Variants in PTGER3 observed in about 807,000 individuals in gnomAD.
The protein encoded by PTGER3 is prostaglandin E2 receptor EP3 subtype.
A neutral mutation model predicts 34.7 loss-of-function variants in PTGER3; 22 were observed. That is an observed-to-expected ratio of 0.63 (90% confidence interval 0.45 to 0.91). The LOEUF (loss-of-function observed/expected upper bound fraction) is 0.91. PTGER3 is among the 40% of genes least tolerant of loss of function. PTGER3 has a pLI of 0.00. For missense variants in PTGER3, 468 were observed against 519.4 expected (o/e 0.90, Z 0.96); for synonymous variants, 241 against 230.1 (o/e 1.05, Z -0.43).
chr1:70,872,248 C>T (rs1646178779), intron 4 of PTGER3, among the ~76,000 whole-genome samples: 1 of 152,178 alleles, frequency 6.6e-6, no homozygotes, highest in East Asian at 1.9e-4. Flanking sequence ...TTTGTATGTT[C>T]ATATTGTCCT....
chr1:70,909,715 C>A (rs1229480315), intron 4 of PTGER3, among the ~76,000 whole-genome samples: 1 of 152,008 alleles, frequency 6.6e-6, no homozygotes, highest in Admixed American at 6.6e-5. Context: ...CCAGGCCTGT[C>A]AATAGTTACT....
chr1:70,973,233 A>AGATAGAT (rs1653310331), intron 3 of PTGER3, among the ~76,000 whole-genome samples: 3 of 121,198 alleles, frequency 2.5e-5, no homozygotes, highest in African/African-American at 8.9e-5. Context: ...ATAGATAGAT[A>AGATAGAT]GATAGATAGA....
At chr1:70,991,049 C>T (rs892228371) in intron 2 of PTGER3, among the ~76,000 whole-genome samples, 3 of 152,138 alleles carry the variant, frequency 2.0e-5, no homozygotes, top group Admixed American at 2.0e-4. Context: ...TGACCTTGGG[C>T]TTCCATTTGA....
rs13306013 is a variant in PTGER3 at position 70,974,480 on chromosome 1, T to G, written c.1078-92A>C. On this transcript the variant is annotated intron_variant, in intron 2 of 3. Transcript: ENST00000306666. ...ACCTGCATATCAAAGTCACATTGGC[T>G]ATGATCAATATGGATGTTTTAGATA... 6.7e-4 allele frequency: 461 copies of G among 689,036 alleles called. 2 individuals carry two copies. In the East Asian group the frequency reaches 0.012, roughly 18 times the overall value. The allele number at this position is 689,036 out of a possible 1,614,324, so 42.7% of individuals were successfully genotyped here. A position where few individuals can be genotyped will look rare whatever the true frequency, so the allele number is the denominator to read the frequency against.
At chr1:70,861,620 G>GA (rs144762006) in intron 4 of PTGER3, among the ~76,000 whole-genome samples, 2,575 of 151,484 alleles carry the variant, frequency 0.017, 75 homozygotes, top group African/African-American at 0.059. Context: ...AACTTAAAGA[G>GA]AAAAGAATCC....
intron 4 of PTGER3, among the ~76,000 whole-genome samples, chr1:70,875,313 T>A (rs1157953679): frequency 6.6e-6 from 1 of 152,176 alleles, no homozygotes; most frequent in Non-Finnish European, 1.5e-5. Flanking sequence ...TTAAAATTAA[T>A]TCTCTAAACA....
intron 2 of PTGER3, among the ~76,000 whole-genome samples, chr1:70,994,305 C>G (rs770488125): frequency 1.3e-5 from 2 of 152,108 alleles, no homozygotes; most frequent in Non-Finnish European, 2.9e-5. Context: ...CACCAAGGGA[C>G]CTTTACCGGG....
Position 70,981,248 on chromosome 1 carries a change from C to T in PTGER3, c.1078-6860G>A, listed in dbSNP as rs571049236. Among the ~76,000 whole-genome samples the T allele has an allele frequency of 2.0e-5, 3 of 152,032 alleles. No homozygotes were observed. In the South Asian group the frequency reaches 6.3e-4, roughly 32 times the overall value. ...GCCATACTATTGTTTCTTTTTCTTTCTCCTTTTTTTTCTTTTCTTTTTCCT... is the reference window on the plus strand; with the variant it reads ...GCCATACTATTGTTTCTTTTTCTTTTTCCTTTTTTTTCTTTTCTTTTTCCT... On this transcript the variant is annotated intron_variant, in intron 2 of 3. Coordinates refer to ENST00000306666, the MANE Select transcript of PTGER3 (RefSeq NM_198719.2).
At chr1:70,903,466 C>T (rs551325976) in intron 4 of PTGER3, among the ~76,000 whole-genome samples, 2 of 152,272 alleles carry the variant, frequency 1.3e-5, no homozygotes, top group Non-Finnish European at 2.9e-5. Context: ...ATTCTCATGA[C>T]AAAACAATAG....
intron 2 of PTGER3, among the ~76,000 whole-genome samples, chr1:70,979,117 A>G (rs1653994513): frequency 6.6e-6 from 1 of 152,144 alleles, no homozygotes; most frequent in Non-Finnish European, 1.5e-5. Context: ...AGCCAATTAT[A>G]CTACTCAGTG....
intron 4 of PTGER3, among the ~76,000 whole-genome samples, chr1:70,907,906 A>AG (rs1215268148): frequency 3.9e-5 from 6 of 152,104 alleles, no homozygotes; most frequent in Non-Finnish European, 7.4e-5. Context: ...GAGAGTAGTG[A>AG]GGGGAAATTC....
intron 2 of PTGER3, among the ~76,000 whole-genome samples, chr1:70,979,665 G>A (rs2100716057): frequency 6.6e-6 from 1 of 152,108 alleles, no homozygotes; most frequent in Admixed American, 6.6e-5. Flanking sequence ...AATTCAAACT[G>A]CCTGGAGAAA....
At chr1:71,008,115 C>T (rs1467647217) in intron 2 of PTGER3, 5 of 980,500 alleles carry the variant, frequency 5.1e-6, no homozygotes, top group Non-Finnish European at 6.1e-6. Flanking sequence ...ATGTCTGTTA[C>T]TTTCTTTCTG....
chr1:70,955,845 A>G (rs757057671), intron 2 of PTGER3, among the ~76,000 whole-genome samples: 2 of 152,298 alleles, frequency 1.3e-5, no homozygotes, highest in South Asian at 2.1e-4. Context: ...AGGGTCACTA[A>G]TCCCATCACT....
chr1:70,975,238 G>T (rs1407356367), intron 2 of PTGER3, among the ~76,000 whole-genome samples: 1 of 152,138 alleles, frequency 6.6e-6, no homozygotes, highest in East Asian at 1.9e-4. Flanking sequence ...AGAAATCATA[G>T]TGGATAAGCA....
intron 4 of PTGER3, among the ~76,000 whole-genome samples, chr1:70,913,850 A>G (rs1459645313): frequency 1.3e-5 from 2 of 151,730 alleles, no homozygotes; most frequent in Non-Finnish European, 3.0e-5. Flanking sequence ...GTTATGCTTT[A>G]TATATATTAT....
At chr1:70,966,279 C>T (rs1334055183), downstream of PTGER3, among the ~76,000 whole-genome samples, 1 of 152,110 alleles carries the variant, frequency 6.6e-6, no homozygotes, top group Admixed American at 6.5e-5. Context: ...CTGGCTAAAA[C>T]AAGTTATTTC....
At chr1:70,996,198 G>A (rs1655921836) in intron 2 of PTGER3, among the ~76,000 whole-genome samples, 1 of 152,062 alleles carries the variant, frequency 6.6e-6, no homozygotes, top group African/African-American at 2.4e-5. Context: ...CAACAAAGAT[G>A]TGAGTGTCTG....
chr1:70,896,309 G>C (rs189276726), intron 4 of PTGER3, among the ~76,000 whole-genome samples: 2 of 152,174 alleles, frequency 1.3e-5, no homozygotes, highest in East Asian at 3.9e-4. Flanking sequence ...ATTCAAGACT[G>C]GTGTCCTTAT....
Sources: gnomAD v4.1 joint callset for allele counts (sites outside exome capture counted in the v4.1 genomes callset) on GRCh38, gnomAD v4.1.1 for gene constraint, MANE v1.5 for transcripts, NCBI Gene and HGNC (gene_info 2026-07-23, HGNC 2026-07-21) for gene names.